The following PCDHA9 variants were observed in gnomAD, a reference collection of about 807,000 sequenced individuals.
The protein encoded by PCDHA9 is protocadherin alpha-9.
A neutral mutation model predicts 62.0 loss-of-function variants in PCDHA9; 62 were observed. The ratio of observed to expected loss-of-function variants is 1.00; its 90% CI spans 0.81 to 1.23. PCDHA9 has a LOEUF of 1.23. Ranked by LOEUF, PCDHA9 falls within the 50% of genes most tolerant of loss-of-function variation. The pLI is 0.00. For missense variants in PCDHA9, 1,205 were observed against 1,249.8 expected (o/e 0.96, Z 0.54); for synonymous variants, 557 against 567.6 (o/e 0.98, Z 0.27).
At chr5:140,866,405 A>AT (rs2049338047) in intron 1 of PCDHA9, 1 of 152,116 alleles carries the variant, frequency 6.6e-6, no homozygotes, top group Non-Finnish European at 1.5e-5. Context: ...TCCCATGAAA[A>AT]TCTTCAAATG....
intron 1 of PCDHA9, among the ~76,000 whole-genome samples, chr5:140,902,200 TTTC>T (rs1318376699): frequency 6.9e-6 from 1 of 144,634 alleles, no homozygotes; most frequent in African/African-American, 2.7e-5. Flanking sequence ...TCTCTCTCTC[TTTC>T]TTTTTTTTTT....
intron 1 of PCDHA9, chr5:140,851,311 T>C (rs1484638965): frequency 1.0e-6 from 1 of 1,000,128 alleles, no homozygotes; most frequent in Non-Finnish European, 1.2e-6. Context: ...TAGCAATTGT[T>C]ACCTTGTTAA....
intron 1 of PCDHA9, chr5:140,854,175 A>AAAAG (rs386405127): frequency 4.4e-6 from 3 of 674,282 alleles, no homozygotes; most frequent in African/African-American, 2.0e-5. Flanking sequence ...AAAAAAAAAA[A>AAAAG]AGAGTAGTTT....
chr5:140,995,206 G>A (rs1179914547), intron 3 of PCDHA9, among the ~76,000 whole-genome samples: 2 of 151,988 alleles, frequency 1.3e-5, no homozygotes, highest in African/African-American at 2.4e-5. Context: ...TATAAATTAG[G>A]CACAATACTC....
rs781785142 is a variant in PCDHA9, at chr5:140,871,450, G to A, written c.2394+20561G>A. 4 of 1,608,718 alleles carry A rather than the reference G, an allele frequency of 2.5e-6. No individual in the cohort carries two copies. The highest frequency in any genetic ancestry group is 2.2e-5 in the South Asian group (2 of 90,488). ...TCTTCCTCTAGGTCTGAATAAAGAG[G>A]AGGAAGGGGAAAGACAGGAGCCAGG... On this transcript the variant is annotated intron_variant, in intron 1 of 3. Coordinates refer to ENST00000532602, the MANE Select transcript of PCDHA9 (RefSeq NM_031857.2).
At chr5:140,893,768 CT>C (rs1171880038) in intron 1 of PCDHA9, among the ~76,000 whole-genome samples, 1 of 152,132 alleles carries the variant, frequency 6.6e-6, no homozygotes, top group Non-Finnish European at 1.5e-5. Flanking sequence ...TGACTTGTCA[CT>C]TTTCTTTTAC....
Position 141,012,063 on chromosome 5 carries a change from T to C in PCDHA9, c.*2126T>C, listed in dbSNP as rs948658172. ...TGGGGTAAAACTTGTTACCAACACATGTGAACCATTGCTACATTGTAGGTT... is the reference window on the plus strand; with the variant it reads ...TGGGGTAAAACTTGTTACCAACACACGTGAACCATTGCTACATTGTAGGTT... On this transcript the variant is annotated 3_prime_UTR_variant, in exon 4 of 4. Transcript: ENST00000532602. The C allele has an allele frequency of 1.3e-5, 2 of 153,778 alleles. No individual in the cohort carries two copies. The highest frequency in any genetic ancestry group is 3.8e-4 in the East Asian group (2 of 5,196). The allele number at this position is 153,778 out of a possible 1,614,324, so 9.5% of individuals were successfully genotyped here. A position where few individuals can be genotyped will look rare whatever the true frequency, so the allele number is the denominator to read the frequency against.
At position 140,856,180 on chromosome 5, in the gene PCDHA9, G is replaced by C; in HGVS notation, c.2394+5291G>C. ...AGGAGGCCAGACACGGCACCTTCGT[G>C]GGCCGCATCGCGCAGGACCTGGGGC... On this transcript the variant is annotated intron_variant, in intron 1 of 3. Coordinates refer to ENST00000532602, the MANE Select transcript of PCDHA9 (RefSeq NM_031857.2). The C allele has an allele frequency of 3.1e-6, 5 of 1,598,262 alleles. 1 individual carries two copies. Among genetic ancestry groups the C allele is most frequent in the Non-Finnish European group, 4.3e-6 (5 of 1,167,898 alleles).
At chr5:140,947,949 AT>A (rs1326528139) in intron 1 of PCDHA9, among the ~76,000 whole-genome samples, 1 of 151,494 alleles carries the variant, frequency 6.6e-6, no homozygotes, top group African/African-American at 2.4e-5. Context: ...AGTGTTCCAT[AT>A]TTTACAATTA....
At chr5:140,875,391 A>G (rs1582202337) in intron 1 of PCDHA9, 2 of 1,472,582 alleles carry the variant, frequency 1.4e-6, no homozygotes, top group African/African-American at 2.8e-5. Flanking sequence ...ACTTACAGAA[A>G]AGGGTGACTG....
intron 1 of PCDHA9, among the ~76,000 whole-genome samples, chr5:140,948,446 G>A (rs1445406552): frequency 6.6e-6 from 1 of 151,446 alleles, no homozygotes; most frequent in Non-Finnish European, 1.5e-5. Flanking sequence ...CTGTGCCAGG[G>A]ATTTTCTTTT....
chr5:140,911,941 T>C (rs1554195035), intron 1 of PCDHA9, among the ~76,000 whole-genome samples: 1 of 152,132 alleles, frequency 6.6e-6, no homozygotes, highest in Non-Finnish European at 1.5e-5. Flanking sequence ...TAGATGTATA[T>C]ATAAAGGGGA....
chr5:140,955,215 C>A (rs1313314138), intron 1 of PCDHA9, among the ~76,000 whole-genome samples: 1 of 152,148 alleles, frequency 6.6e-6, no homozygotes, highest in Non-Finnish European at 1.5e-5. Flanking sequence ...TAGCATGATG[C>A]CTCCAGCTTT....
chr5:140,883,302 A>G, intron 1 of PCDHA9: 1 of 1,614,110 alleles, frequency 6.2e-7, no homozygotes, highest in Non-Finnish European at 8.5e-7. Flanking sequence ...GATGTAAATG[A>G]TAACGCCCCA....
intron 1 of PCDHA9, chr5:140,877,904 A>G (rs1421896402): frequency 7.0e-7 from 1 of 1,436,098 alleles, no homozygotes; most frequent in East Asian, 2.5e-5. Context: ...GGTTATAACT[A>G]CATTCTCTCA....
At chr5:140,903,845 C>T (rs2070659171) in intron 1 of PCDHA9, among the ~76,000 whole-genome samples, 1 of 152,006 alleles carries the variant, frequency 6.6e-6, no homozygotes, top group Admixed American at 6.6e-5. Context: ...TTTCATTTAT[C>T]TTAACAAATA....
chr5:140,886,996 T>C (rs1554182808), intron 1 of PCDHA9, among the ~76,000 whole-genome samples: 1 of 152,182 alleles, frequency 6.6e-6, no homozygotes, highest in African/African-American at 2.4e-5. Flanking sequence ...AATTTCCAGT[T>C]GGTATCACTT....
intron 1 of PCDHA9, chr5:140,877,677 C>T (rs1554169970): frequency 6.2e-7 from 1 of 1,613,678 alleles, no homozygotes. Context: ...GCGCGCCGGG[C>T]AAGCCCACGC....
In PCDHA9 at chr5:140,882,341, G is replaced by A. The variant is rs782271839; in HGVS notation, c.2394+31452G>A. 5.6e-6 allele frequency: 9 copies of A among 1,614,058 alleles called. No individual in the cohort carries two copies. The Admixed American group carries it at 1.3e-4, about 24-fold the overall frequency. ...CTGGCTTCTGATCCTCGCAGCCTGGGAGACGGGTAGTGGCCAGCTCCACTA... is the reference window on the plus strand; with the variant it reads ...CTGGCTTCTGATCCTCGCAGCCTGGAAGACGGGTAGTGGCCAGCTCCACTA... On this transcript the variant is annotated intron_variant, in intron 1 of 3. Coordinates refer to ENST00000532602, the MANE Select transcript of PCDHA9 (RefSeq NM_031857.2).
Sources: allele counts gnomAD v4.1 joint callset (sites outside exome capture counted in the v4.1 genomes callset), GRCh38; gene constraint gnomAD v4.1.1; transcripts MANE v1.5; gene names NCBI Gene and HGNC (gene_info 2026-07-23, HGNC 2026-07-21).